The following PKIB variants were observed in gnomAD, a reference collection of about 807,000 sequenced individuals.
The protein encoded by PKIB is cAMP-dependent protein kinase inhibitor beta, also known as PKI-beta.
In PKIB, 2 loss-of-function variants were observed where a neutral mutation model predicts 4.5. That is an observed-to-expected ratio of 0.44 (90% CI 0.18 to 1.39). The LOEUF is 1.39. Ranked by LOEUF, PKIB falls within the 40% of genes most tolerant of loss-of-function variation. The pLI, the probability that PKIB is intolerant of heterozygous loss-of-function variation, is 0.27. For missense variants in PKIB, 94 were observed against 92.6 expected (o/e 1.02, Z -0.06); for synonymous variants, 38 against 36.0 (o/e 1.06, Z -0.20).
intron 2 of PKIB, among the ~76,000 whole-genome samples, chr6:122,516,180 A>G (rs1776745607): frequency 6.6e-6 from 1 of 152,216 alleles, no homozygotes; most frequent in Non-Finnish European, 1.5e-5. Flanking sequence ...TGAGCAGAGG[A>G]GTGAGCCAGT....
intron 3 of PKIB, among the ~76,000 whole-genome samples, chr6:122,684,553 A>G (rs1285046992): frequency 3.3e-5 from 5 of 152,120 alleles, no homozygotes; most frequent in African/African-American, 1.2e-4. Context: ...TTTATTCTTG[A>G]AAAAAATTAT....
At chr6:122,576,711 T>TATATA (rs1554221348) in intron 2 of PKIB, among the ~76,000 whole-genome samples, 11 of 75,698 alleles carry the variant, frequency 1.5e-4, no homozygotes, top group South Asian at 3.6e-4. Context: ...TATATATATA[T>TATATA]TTTCTTTTGT....
intron 2 of PKIB, among the ~76,000 whole-genome samples, chr6:122,543,328 A>G (rs1363195764): frequency 6.8e-6 from 1 of 146,444 alleles, no homozygotes; most frequent in Non-Finnish European, 1.5e-5. Flanking sequence ...AGCTGTTCCT[A>G]TTCGGCCATC....
intron 2 of PKIB, among the ~76,000 whole-genome samples, chr6:122,581,440 G>A (rs1022245793): frequency 1.1e-4 from 16 of 152,030 alleles, no homozygotes; most frequent in African/African-American, 3.9e-4. Context: ...ATGAAAAGCT[G>A]AAAAGAAAAT....
At chr6:122,571,038 T>C (rs1489225662) in intron 2 of PKIB, among the ~76,000 whole-genome samples, 1 of 144,478 alleles carries the variant, frequency 6.9e-6, no homozygotes, top group African/African-American at 2.7e-5. Flanking sequence ...TTCAGAGAGA[T>C]GGATATCATA....
At chr6:122,509,666 C>T (rs371624135) in intron 2 of PKIB, among the ~76,000 whole-genome samples, 13 of 151,700 alleles carry the variant, frequency 8.6e-5, no homozygotes, top group South Asian at 4.2e-4. Context: ...CTCCTGACCT[C>T]GTGATCTGCC....
intron 2 of PKIB, among the ~76,000 whole-genome samples, chr6:122,658,792 C>G: frequency 6.7e-6 from 1 of 149,300 alleles, no homozygotes; most frequent in Non-Finnish European, 1.5e-5. Flanking sequence ...GATAAGGGAT[C>G]TTGGTAATGT....
At chr6:122,569,317 G>T (rs1304185002) in intron 2 of PKIB, among the ~76,000 whole-genome samples, 1 of 152,152 alleles carries the variant, frequency 6.6e-6, no homozygotes, top group African/African-American at 2.4e-5. Context: ...ACCACAGCTG[G>T]TGCTCTTTTA....
intron 1 of PKIB, among the ~76,000 whole-genome samples, chr6:122,614,529 G>T (rs1017243983): frequency 6.6e-6 from 1 of 152,084 alleles, no homozygotes; most frequent in Non-Finnish European, 1.5e-5. Context: ...GCATCCCCAT[G>T]GGGGTGTGGG....
intron 1 of PKIB, among the ~76,000 whole-genome samples, chr6:122,614,551 TG>T: frequency 6.7e-6 from 1 of 150,140 alleles, no homozygotes; most frequent in South Asian, 2.1e-4. Flanking sequence ...GTAAGTAAAC[TG>T]TAGGCTTTCT....
intron 2 of PKIB, among the ~76,000 whole-genome samples, chr6:122,563,445 G>A (rs1773090647): frequency 6.6e-6 from 1 of 152,128 alleles, no homozygotes; most frequent in African/African-American, 2.4e-5. Context: ...TTGGCCTACT[G>A]TCAGGTGGTG....
intron 2 of PKIB, among the ~76,000 whole-genome samples, chr6:122,534,531 G>C (rs12215815): frequency 0.12 from 18,885 of 152,062 alleles, 1,317 homozygotes; most frequent in East Asian, 0.21. Flanking sequence ...TGTGGTAGAA[G>C]GGCTAAACTA....
At chr6:122,680,527 T>C (rs2815592) in intron 3 of PKIB, among the ~76,000 whole-genome samples, 150,212 of 152,260 alleles carry the variant, frequency 0.99, 74,119 homozygotes, top group Middle Eastern at 1. Context: ...GGTTTCATGG[T>C]GGGCTTTGGG....
At chr6:122,642,746 T>G (rs1016598545) in intron 2 of PKIB, among the ~76,000 whole-genome samples, 1 of 152,212 alleles carries the variant, frequency 6.6e-6, no homozygotes, top group Non-Finnish European at 1.5e-5. Flanking sequence ...GGTGTGCCAA[T>G]GTACTGGAGA....
chr6:122,661,992 C>T (rs542943647), intron 2 of PKIB, among the ~76,000 whole-genome samples: 7 of 152,168 alleles, frequency 4.6e-5, no homozygotes, highest in African/African-American at 1.7e-4. Flanking sequence ...ATTTACATAC[C>T]TTCTTTGTAG....
At chr6:122,635,843 G>A (rs1339885826) in intron 2 of PKIB, among the ~76,000 whole-genome samples, 1 of 152,008 alleles carries the variant, frequency 6.6e-6, no homozygotes, top group Non-Finnish European at 1.5e-5. Flanking sequence ...TTTAGGAATA[G>A]AGAGATGTCA....
At chr6:122,538,048 G>C (rs1777462278) in intron 2 of PKIB, among the ~76,000 whole-genome samples, 1 of 151,834 alleles carries the variant, frequency 6.6e-6, no homozygotes, top group Non-Finnish European at 1.5e-5. Flanking sequence ...TTGTAAATTT[G>C]TTTGAGTTCA....
At chr6:122,509,716 C>T (rs1051285450) in intron 2 of PKIB, among the ~76,000 whole-genome samples, 1 of 152,138 alleles carries the variant, frequency 6.6e-6, no homozygotes, top group African/African-American at 2.4e-5. Context: ...CAGGTGTGAG[C>T]CACCACACCC....
intron 3 of PKIB, among the ~76,000 whole-genome samples, chr6:122,689,323 G>T (rs1778231420): frequency 6.6e-6 from 1 of 151,906 alleles, no homozygotes; most frequent in African/African-American, 2.4e-5. Context: ...GTTTTCTCTT[G>T]CTTTTCTAGT....
Sources: allele counts gnomAD v4.1 joint callset (sites outside exome capture counted in the v4.1 genomes callset), GRCh38; gene constraint gnomAD v4.1.1; transcripts MANE v1.5; gene names NCBI Gene and HGNC (gene_info 2026-07-23, HGNC 2026-07-21).